RNF144B: variants seen among roughly 807,000 people sequenced by gnomAD.
The protein encoded by RNF144B is ring finger protein 144B.
A neutral mutation model predicts 40.2 loss-of-function variants in RNF144B; 25 were observed. The observed-to-expected ratio is 0.62, with a 90% CI of 0.45 to 0.87. The LOEUF (loss-of-function observed/expected upper bound fraction) is 0.87. Among genes scored for constraint, RNF144B ranks in the 40% least tolerant of loss-of-function variants. The pLI is 0.00. For synonymous variants in RNF144B, 145 were observed against 136.3 expected (o/e 1.06, Z -0.44); for missense variants, 365 against 373.7 (o/e 0.98, Z 0.19).
Position 18,397,447 on chromosome 6 carries a change from T to A in RNF144B, c.-36-2052T>A, listed in dbSNP as rs566659787. ...TTAAAAATAGTAAGAACTATAGGAT[T>A]TTGCTTTTGTTTAACCAGAACATGA... On this transcript the variant is annotated intron_variant, in intron 1 of 7. Coordinates refer to ENST00000259939, the MANE Select transcript of RNF144B (RefSeq NM_182757.4). Among the ~76,000 whole-genome samples, 4 of 152,258 alleles carry A rather than the reference T, an allele frequency of 2.6e-5. No individual in the cohort carries two copies. The East Asian group carries it at 7.7e-4, about 29-fold the overall frequency.
intron 4 of RNF144B, among the ~76,000 whole-genome samples, chr6:18,440,796 T>TTTG (rs1291085951): frequency 6.7e-5 from 2 of 30,026 alleles, no homozygotes; most frequent in East Asian, 3.2e-3. Flanking sequence ...TTTTGTGGTG[T>TTTG]TTTTTTTTTT....
chr6:18,396,897 G>A (rs922023942), intron 1 of RNF144B: 2 of 839,218 alleles, frequency 2.4e-6, no homozygotes, highest in Non-Finnish European at 2.9e-6. Context: ...TCCTGAATTT[G>A]ACGTGCAGGT....
chr6:18,426,005 A>T (rs1341956615), intron 2 of RNF144B, among the ~76,000 whole-genome samples: 1 of 152,208 alleles, frequency 6.6e-6, no homozygotes, highest in African/African-American at 2.4e-5. Context: ...AACCAGATAA[A>T]TACATGATTA....
rs116432799 is a variant in RNF144B at position 18,411,900 on chromosome 6, T to C, written c.165+12201T>C. On this transcript the variant is annotated intron_variant, in intron 2 of 7. Coordinates refer to ENST00000259939, the MANE Select transcript of RNF144B (RefSeq NM_182757.4). Reference sequence around the variant, plus strand: ...ACTTTTAACTTGAGTTTTACAAACATAGTACATTGTGGACAAGTTTCTGTG... The same window carrying C: ...ACTTTTAACTTGAGTTTTACAAACACAGTACATTGTGGACAAGTTTCTGTG... Among the ~76,000 whole-genome samples, 257 of 152,312 alleles carry C rather than the reference T, an allele frequency of 1.7e-3. 2 individuals carry two copies. Among genetic ancestry groups the C allele is most frequent in the African/African-American group, 5.3e-3 (220 of 41,570 alleles).
intron 6 of RNF144B, among the ~76,000 whole-genome samples, chr6:18,462,243 G>T (rs1170589508): frequency 6.6e-6 from 1 of 152,062 alleles, no homozygotes; most frequent in East Asian, 1.9e-4. Flanking sequence ...TGTTCGGATT[G>T]CCACGTAGTC....
chr6:18,434,562 T>C lies in RNF144B; in HGVS notation c.271-5122T>C, dbSNP rs908760341. On this transcript the variant is annotated intron_variant, in intron 3 of 7. Coordinates refer to ENST00000259939, the MANE Select transcript of RNF144B (RefSeq NM_182757.4). The surrounding 1 kb of genome is among the most constrained non-coding windows in gnomAD (Gnocchi z 4.1). ...TGGTCTGGCTTCCCTGGATATGCTC[T>C]GCTAGGGATGAAATGGAAAAGCAAA... Among the ~76,000 whole-genome samples the C allele has an allele frequency of 7.9e-5, 12 of 152,178 alleles. No individual in the cohort carries two copies. Among genetic ancestry groups the C allele is most frequent in the African/African-American group, 2.9e-4 (12 of 41,434 alleles).
chr6:18,423,847 A>G (rs9477740), intron 2 of RNF144B, among the ~76,000 whole-genome samples: 4,799 of 152,306 alleles, frequency 0.032, 146 homozygotes, highest in African/African-American at 0.075. Flanking sequence ...ACTATACAAA[A>G]GAAAAAGGTT....
chr6:18,413,242 A>G (rs897172852), intron 2 of RNF144B, among the ~76,000 whole-genome samples: 2 of 152,240 alleles, frequency 1.3e-5, no homozygotes, highest in Non-Finnish European at 2.9e-5. Context: ...ATGAAGGCCC[A>G]TATTTGGCTT....
rs1408543455 is a variant in RNF144B at position 18,418,865 on chromosome 6, A to G, written c.166-8716A>G. Among the ~76,000 whole-genome samples, 5 of 152,124 alleles carry G rather than the reference A, an allele frequency of 3.3e-5. No individual in the cohort carries two copies. The highest frequency in any genetic ancestry group is 7.4e-5 in the Non-Finnish European group (5 of 68,000). On this transcript the variant is annotated intron_variant, in intron 2 of 7. Coordinates refer to ENST00000259939, the MANE Select transcript of RNF144B (RefSeq NM_182757.4). This position sits in a 1 kb window ranked among gnomAD's most constrained non-coding sequence, Gnocchi z 5.2. ...TGACACCTGGATCCTTCTCTTAGAG[A>G]GTCTGAATTAATTGGTCTGTGGTAT...
Position 18,458,316 on chromosome 6 carries a change from A to G in RNF144B, c.536+957A>G, listed in dbSNP as rs935905510. The stretch of plus-strand genomic sequence containing the variant: ...TTTCATTCCTGCTTTGCTTGAGGCT[A>G]TCGTTGTTCTGCATCAGCAAGAACA... On this transcript the variant is annotated intron_variant, in intron 5 of 7. Coordinates refer to ENST00000259939, the MANE Select transcript of RNF144B (RefSeq NM_182757.4). The surrounding 1 kb of genome is among the most constrained non-coding windows in gnomAD (Gnocchi z 4.8). 7.2e-5 allele frequency among the ~76,000 whole-genome samples: 11 copies of G among 152,162 alleles called. No homozygotes were observed. Among genetic ancestry groups the G allele is most frequent in the Admixed American group, 4.6e-4 (7 of 15,274 alleles).
rs960627250 is a variant in RNF144B at position 18,406,826 on chromosome 6, A to G, written c.165+7127A>G. Among the ~76,000 whole-genome samples the G allele has an allele frequency of 3.3e-5, 5 of 152,254 alleles. No homozygotes were observed. The East Asian group carries it at 7.7e-4, about 24-fold the overall frequency. On this transcript the variant is annotated intron_variant, in intron 2 of 7. Coordinates refer to ENST00000259939, the MANE Select transcript of RNF144B (RefSeq NM_182757.4). The surrounding 1 kb of genome is among the most constrained non-coding windows in gnomAD (Gnocchi z 4.2). ...TGTATTAGTCTGTTTTCACACTGCT[A>G]TAAAGAATACCTGAGATCTATAAAG...
At chr6:18,404,145 T>C (rs1794846946) in intron 2 of RNF144B, among the ~76,000 whole-genome samples, 1 of 152,248 alleles carries the variant, frequency 6.6e-6, no homozygotes, top group Admixed American at 6.5e-5. Context: ...GCAATGTGTA[T>C]GTGCACACAC....
chr6:18,392,313 T>C (rs1794601558), intron 1 of RNF144B, among the ~76,000 whole-genome samples: 1 of 152,242 alleles, frequency 6.6e-6, no homozygotes, highest in Non-Finnish European at 1.5e-5. Context: ...AGCACCAATA[T>C]ATATTTTGTA....
In RNF144B at chr6:18,464,706, G is replaced by T. The variant is rs182014241; in HGVS notation, c.772-221G>T. ...AGCAAGCTCTCTGGCATCTGTTCTT[G>T]TAAGAGCACCAATCCCATCATGAGG... On this transcript the variant is annotated intron_variant, in intron 7 of 7. Transcript: ENST00000259939. This position sits in a 1 kb window ranked among gnomAD's most constrained non-coding sequence, Gnocchi z 6.1. 6.3e-4 allele frequency among the ~76,000 whole-genome samples: 96 copies of T among 152,244 alleles called. 1 individual carries two copies. The highest frequency in any genetic ancestry group is 1.2e-3 in the Non-Finnish European group (82 of 68,016).
rs7775530 is a variant in RNF144B at position 18,441,331 on chromosome 6, T to C, written c.331+1587T>C. Among the ~76,000 whole-genome samples the C allele has an allele frequency of 0.12, 18,995 of 152,208 alleles. 1,359 individuals carry two copies. The highest frequency in any genetic ancestry group is 0.19 in the Admixed American group (2,952 of 15,282). Reference sequence around the variant, plus strand: ...TGAGTGCTTTTACCTGGAGAAAGCCTACAGAGTTAGGTTGGATTTTCAGGC... The same window carrying C: ...TGAGTGCTTTTACCTGGAGAAAGCCCACAGAGTTAGGTTGGATTTTCAGGC... On this transcript the variant is annotated intron_variant, in intron 4 of 7. Transcript: ENST00000259939. The surrounding 1 kb of genome is among the most constrained non-coding windows in gnomAD (Gnocchi z 4.9).
intron 2 of RNF144B, among the ~76,000 whole-genome samples, chr6:18,427,173 G>A (rs1245838083): frequency 6.6e-6 from 1 of 152,188 alleles, no homozygotes; most frequent in Non-Finnish European, 1.5e-5. Context: ...CTAGCTCAGT[G>A]CAAGGGTCAC....
intron 1 of RNF144B, among the ~76,000 whole-genome samples, chr6:18,393,984 T>C (rs539428626): frequency 1.3e-5 from 2 of 152,324 alleles, no homozygotes; most frequent in African/African-American, 4.8e-5. Flanking sequence ...TAGCATAGCT[T>C]GGAATTAAGA....
chr6:18,459,259 T>C lies in RNF144B; in HGVS notation c.537-348T>C, dbSNP rs555945193. On this transcript the variant is annotated intron_variant, in intron 5 of 7. Transcript: ENST00000259939. The surrounding 1 kb of genome is among the most constrained non-coding windows in gnomAD (Gnocchi z 4.2). ...AATGAACAGACCATTAGATAGATTA[T>C]ATACGCCCAGTTTGGACCCTGACCT... Among the ~76,000 whole-genome samples, 4 of 152,358 alleles carry C rather than the reference T, an allele frequency of 2.6e-5. No homozygotes were observed. Among genetic ancestry groups the C allele is most frequent in the African/African-American group, 9.6e-5 (4 of 41,590 alleles).
rs1759555388 is a variant in RNF144B, at chr6:18,465,433, T to C, written c.*366T>C. 2 of 195,694 alleles carry C rather than the reference T, an allele frequency of 1.0e-5. No homozygotes were observed. Among genetic ancestry groups the C allele is most frequent in the South Asian group, 1.3e-4 (1 of 7,762 alleles). The allele number at this position is 195,694 out of a possible 1,614,324, so 12.1% of individuals were successfully genotyped here. A position where few individuals can be genotyped will look rare whatever the true frequency, so the allele number is the denominator to read the frequency against. On this transcript the variant is annotated 3_prime_UTR_variant, in exon 8 of 8. Transcript: ENST00000259939. Reference sequence around the variant, plus strand: ...AAATGTGTTGTCATTGTTGGCAACATACAAGATAACCAAGAAGCTGGAGTC... The same window carrying C: ...AAATGTGTTGTCATTGTTGGCAACACACAAGATAACCAAGAAGCTGGAGTC...
Sources: allele counts gnomAD v4.1 joint callset (sites outside exome capture counted in the v4.1 genomes callset), GRCh38; gene constraint gnomAD v4.1.1; non-coding constraint Gnocchi (gnomAD v3.1); transcripts MANE v1.5; gene names NCBI Gene and HGNC (gene_info 2026-07-23, HGNC 2026-07-21).